The following KLRG2 variants were observed in gnomAD, a reference collection of about 807,000 sequenced individuals.
KLRG2 encodes the protein killer cell lectin-like receptor subfamily G member 2.
In KLRG2, 39 loss-of-function variants were observed where a neutral mutation model predicts 35.4. The observed-to-expected ratio is 1.10, with a 90% CI of 0.85 to 1.44. The LOEUF (loss-of-function observed/expected upper bound fraction) is 1.44. Ranked by LOEUF, KLRG2 falls within the 40% of genes most tolerant of loss-of-function variation. KLRG2 has a pLI of 0.00. For missense variants in KLRG2, 632 were observed against 570.9 expected (o/e 1.11, Z -1.09); for synonymous variants, 283 against 265.8 (o/e 1.06, Z -0.63).
At chr7:139,458,248 C>T (rs556339821) in intron 3 of KLRG2, among the ~76,000 whole-genome samples, 9 of 151,960 alleles carry the variant, frequency 5.9e-5, no homozygotes, top group East Asian at 5.8e-4. Flanking sequence ...TGTGGTGGCA[C>T]GCTCCTGTAC....
Position 139,482,929 on chromosome 7 carries a change from C to A in KLRG2, c.714G>T (p.Gly238=). ...KEDAALLPRA[G]LDGDEKLPRA... ...GGGGCAGCTTCTCGTCGCCGTCCAA[C>A]CCCGCGCGGGGCAACAGCGCCGCAT... The change falls in exon 1 of 5, where the codon GGG becomes GGT. Residue 238 remains glycine, a synonymous_variant. Coordinates refer to ENST00000340940, the MANE Select transcript of KLRG2 (RefSeq NM_198508.4). 1 of 1,494,744 alleles carries A rather than the reference C, an allele frequency of 6.7e-7. No individual in the cohort carries two copies. The highest frequency in any genetic ancestry group is 8.8e-7 in the Non-Finnish European group (1 of 1,132,806). 92.6% of individuals were successfully genotyped at this position (1,494,744 alleles called of 1,614,324 possible). A position where few individuals can be genotyped will look rare whatever the true frequency, so the allele number is the denominator to read the frequency against.
At chr7:139,450,491 G>A (rs1224936866), downstream of KLRG2, among the ~76,000 whole-genome samples, 1 of 152,108 alleles carries the variant, frequency 6.6e-6, no homozygotes, top group Non-Finnish European at 1.5e-5. Context: ...CCAAAGTGCT[G>A]GGATTACAGG....
At chr7:139,437,591 G>T in the KLRG2 span, among the ~76,000 whole-genome samples, 1 of 152,074 alleles carries the variant, frequency 6.6e-6, no homozygotes, top group African/African-American at 2.4e-5. Flanking sequence ...TGAGTAGCTG[G>T]AATTACAGGC....
intron 1 of KLRG2, among the ~76,000 whole-genome samples, chr7:139,480,652 G>A (rs531320026): frequency 2.0e-5 from 3 of 150,940 alleles, no homozygotes; most frequent in Admixed American, 6.6e-5. Context: ...TCACCATGTT[G>A]GCCAGGTTGG....
chr7:139,482,903 CG>C lies in KLRG2; in HGVS notation c.739del (p.Arg247GlyfsTer3). The C allele has an allele frequency of 2.0e-6, 3 of 1,489,964 alleles. No individual in the cohort carries two copies. Among genetic ancestry groups the C allele is most frequent in the South Asian group, 2.6e-5 (2 of 76,936 alleles). The allele number at this position is 1,489,964 out of a possible 1,614,324, so 92.3% of individuals were successfully genotyped here. A position where few individuals can be genotyped will look rare whatever the true frequency, so the allele number is the denominator to read the frequency against. On this transcript the variant is annotated frameshift_variant, in exon 1 of 5. Transcript: ENST00000340940. LOFTEE classifies it high-confidence loss of function. Reference sequence around the variant, plus strand: ...GCACTCACCCGTAAGCGTTACGGCCCGGGGCAGCTTCTCGTCGCCGTCCAAC... The same window carrying C: ...GCACTCACCCGTAAGCGTTACGGCCCGGGCAGCTTCTCGTCGCCGTCCAAC... The part of the protein sequence containing the change: ...AGLDGDEKLP[R>X]AVTLTGLPMY...
the KLRG2 span, among the ~76,000 whole-genome samples, chr7:139,437,667 A>G: frequency 6.6e-6 from 1 of 152,158 alleles, no homozygotes; most frequent in Non-Finnish European, 1.5e-5. Flanking sequence ...CACATTGGCC[A>G]TGCTGGTCTC....
At chr7:139,454,819 AAATAATAATAATAAT>A (rs34409730) in intron 3 of KLRG2, among the ~76,000 whole-genome samples, 1,633 of 140,544 alleles carry the variant, frequency 0.012, 14 homozygotes, top group African/African-American at 0.023. Context: ...TTCTATCTCA[AAATAATAATAATAAT>A]AATAATAATA....
At position 139,483,427 on chromosome 7, in the gene KLRG2, C is replaced by A; in HGVS notation, c.216G>T (p.Ser72=). The A allele has an allele frequency of 6.4e-7, 1 of 1,562,076 alleles. No homozygotes were observed. The highest frequency in any genetic ancestry group is 8.6e-7 in the Non-Finnish European group (1 of 1,165,430). Residue 72 remains serine (S), a synonymous_variant, in exon 1 of 5, where the codon TCG becomes TCT. Coordinates refer to ENST00000340940, the MANE Select transcript of KLRG2 (RefSeq NM_198508.4). ...LEPSSKKKPP[S]PRPGSPRVPP... ...GCACGCGCGGGGACCCGGGGCGAGGCGAAGGCGGCTTTTTCTTGCTCGAGG... is the reference window on the plus strand; with the variant it reads ...GCACGCGCGGGGACCCGGGGCGAGGAGAAGGCGGCTTTTTCTTGCTCGAGG...
chr7:139,473,877 G>A (rs991014016), intron 3 of KLRG2, among the ~76,000 whole-genome samples: 4 of 152,058 alleles, frequency 2.6e-5, no homozygotes, highest in African/African-American at 9.7e-5. Context: ...CAGCAAAAAT[G>A]TAAATGAAGA....
chr7:139,432,161 A>G, the KLRG2 span, among the ~76,000 whole-genome samples: 1 of 152,086 alleles, frequency 6.6e-6, no homozygotes. Flanking sequence ...TTCAAGCCCA[A>G]CACAGGCAAC....
the KLRG2 span, among the ~76,000 whole-genome samples, chr7:139,434,447 C>G: frequency 6.6e-6 from 1 of 152,148 alleles, no homozygotes; most frequent in African/African-American, 2.4e-5. Context: ...ACAGCCAAGC[C>G]CCTTTACACG....
chr7:139,446,343 T>G, the KLRG2 span, among the ~76,000 whole-genome samples: 267 of 145,330 alleles, frequency 1.8e-3, 1 homozygote, highest in African/African-American at 6.4e-3. Context: ...AGGGTTTTTT[T>G]TTTTTTTTTT....
At chr7:139,429,374 CTT>C in the KLRG2 span, among the ~76,000 whole-genome samples, 2 of 135,032 alleles carry the variant, frequency 1.5e-5, no homozygotes, top group African/African-American at 6.0e-5. Flanking sequence ...GGGTGTTTTT[CTT>C]TTTCTTTTTC....
intron 3 of KLRG2, among the ~76,000 whole-genome samples, chr7:139,454,653 TA>T (rs111967887): frequency 0.14 from 20,669 of 144,842 alleles, 1,919 homozygotes; most frequent in African/African-American, 0.27. Flanking sequence ...CCGTTTCTAT[TA>T]AAAAAAAAAA....
At chr7:139,458,579 G>C (rs1343174340) in intron 3 of KLRG2, among the ~76,000 whole-genome samples, 1 of 152,048 alleles carries the variant, frequency 6.6e-6, no homozygotes, top group African/African-American at 2.4e-5. Flanking sequence ...CGCTGCACTG[G>C]CAACAGCCAT....
intron 2 of KLRG2, 113 bp downstream of exon 2, chr7:139,480,033 G>T (rs566117694): frequency 6.5e-5 from 53 of 812,650 alleles, no homozygotes; most frequent in Non-Finnish European, 9.8e-5. Context: ...CCATGTCTTC[G>T]TGTTGCATCT....
intron 3 of KLRG2, among the ~76,000 whole-genome samples, chr7:139,464,408 T>C (rs1164797268): frequency 6.6e-6 from 1 of 152,214 alleles, no homozygotes; most frequent in East Asian, 1.9e-4. Context: ...TATTACAGGT[T>C]AGTTCAGGAT....
chr7:139,463,757 C>A (rs73156809), intron 3 of KLRG2, among the ~76,000 whole-genome samples: 15,434 of 152,288 alleles, frequency 0.1, 818 homozygotes, highest in Non-Finnish European at 0.11. Context: ...GACTTAGCGG[C>A]TGACGACCGA....
chr7:139,451,989 GA>G (rs1796384071), downstream of KLRG2, among the ~76,000 whole-genome samples: 1 of 117,488 alleles, frequency 8.5e-6, no homozygotes, highest in South Asian at 2.8e-4. Context: ...TTTTTTTTGA[GA>G]CAGAGTCTTG....
Sources: gnomAD v4.1 joint callset for allele counts (sites outside exome capture counted in the v4.1 genomes callset) on GRCh38, gnomAD v4.1.1 for gene constraint, MANE v1.5 for transcripts, NCBI Gene and HGNC (gene_info 2026-07-23, HGNC 2026-07-21) for gene names.